Variants in ASAP2 observed in about 807,000 individuals in gnomAD.
ASAP2 encodes the protein ArfGAP with SH3 domain, ankyrin repeat and PH domain 2.
Under a neutral mutation model 131.4 loss-of-function variants are expected in ASAP2, and 45 were observed. The observed-to-expected ratio is 0.34, with a 90% confidence interval of 0.27 to 0.44. The LOEUF is 0.44. Among genes scored for constraint, ASAP2 ranks in the 20% least tolerant of loss-of-function variants. The pLI, the probability that ASAP2 is intolerant of heterozygous loss-of-function variation, is 1.00. For synonymous variants in ASAP2, 510 were observed against 503.0 expected, an observed-to-expected ratio of 1.01 and a Z score of -0.19; for missense variants, 1,011 against 1,297.0, an observed-to-expected ratio of 0.78 and a Z score of 3.39.
At chr2:9,378,726 A>G (rs1049439933) in intron 18 of ASAP2, among the ~76,000 whole-genome samples, 3 of 152,120 alleles carry the variant, frequency 2.0e-5, no homozygotes, top group Admixed American at 6.5e-5. Flanking sequence ...TTCTGCCATC[A>G]TCGTGTTATT....
chr2:9,312,084 T>A lies in ASAP2; in HGVS notation c.346-6440T>A, dbSNP rs528828924. Among the ~76,000 whole-genome samples, 67 of 152,336 alleles carry A rather than the reference T, an allele frequency of 4.4e-4. No homozygotes were observed. The South Asian group carries it at 0.014, about 31-fold the overall frequency. ...ATTTCAAGTGTACACATCAGTGATTTCCAGTAACTTTACCAAGTGGTGCAA... is the reference window on the plus strand; with the variant it reads ...ATTTCAAGTGTACACATCAGTGATTACCAGTAACTTTACCAAGTGGTGCAA... On this transcript the variant is annotated intron_variant, in intron 3 of 27. Coordinates refer to ENST00000281419, the MANE Select transcript of ASAP2 (RefSeq NM_003887.3).
At chr2:9,308,187 A>G (rs1669071117) in intron 3 of ASAP2, among the ~76,000 whole-genome samples, 1 of 152,242 alleles carries the variant, frequency 6.6e-6, no homozygotes, top group South Asian at 2.1e-4. Context: ...CACAGGCTGT[A>G]GAGGAAGCAT....
chr2:9,267,840 G>A (rs1666044777), intron 1 of ASAP2, among the ~76,000 whole-genome samples: 1 of 140,192 alleles, frequency 7.1e-6, no homozygotes, highest in African/African-American at 2.7e-5. Context: ...AGAGGTTGTA[G>A]TGAGTCGAGA....
intron 1 of ASAP2, among the ~76,000 whole-genome samples, chr2:9,220,405 T>C (rs897482842): frequency 4.6e-5 from 7 of 152,364 alleles, no homozygotes; most frequent in South Asian, 2.1e-4. Context: ...TTGTCTTTTT[T>C]ATTACACCCA....
At chr2:9,400,969 T>C (rs1467121216) in intron 26 of ASAP2, 139 bp downstream of exon 26, 1 of 917,118 alleles carries the variant, frequency 1.1e-6, no homozygotes, top group Non-Finnish European at 1.6e-6. Flanking sequence ...ACCTGACTGC[T>C]TGGATCTGGG....
At chr2:9,366,066 C>G (rs527828200) in intron 15 of ASAP2, among the ~76,000 whole-genome samples, 3 of 152,266 alleles carry the variant, frequency 2.0e-5, no homozygotes, top group African/African-American at 7.2e-5. Context: ...TGGTTTCTGC[C>G]TGCCTGTCCT....
At chr2:9,236,706 A>C (rs11692473) in intron 1 of ASAP2, among the ~76,000 whole-genome samples, 33,831 of 152,186 alleles carry the variant, frequency 0.22, 3,935 homozygotes, top group Non-Finnish European at 0.25. Flanking sequence ...TATGTATGAG[A>C]GACACAGACA....
chr2:9,314,011 T>C (rs1307165919), intron 3 of ASAP2, among the ~76,000 whole-genome samples: 1 of 152,224 alleles, frequency 6.6e-6, no homozygotes, highest in Non-Finnish European at 1.5e-5. Flanking sequence ...GAGACAAAAG[T>C]CTCGCTCTGT....
At chr2:9,373,684 C>T (rs1347341057) in intron 16 of ASAP2, among the ~76,000 whole-genome samples, 7 of 152,244 alleles carry the variant, frequency 4.6e-5, no homozygotes, top group African/African-American at 1.4e-4. Flanking sequence ...AGGAGGGAAC[C>T]GTGCGGGGAC....
intron 3 of ASAP2, among the ~76,000 whole-genome samples, chr2:9,304,573 G>T (rs1668707906): frequency 2.6e-5 from 4 of 151,100 alleles, no homozygotes; most frequent in Non-Finnish European, 5.9e-5. Context: ...TAGATACAGG[G>T]TGGAGAGGCT....
At chr2:9,248,225 T>C (rs1380760195) in intron 1 of ASAP2, among the ~76,000 whole-genome samples, 1 of 152,238 alleles carries the variant, frequency 6.6e-6, no homozygotes, top group Non-Finnish European at 1.5e-5. Flanking sequence ...CACGCAGGCC[T>C]GTGTTCCGAG....
intron 1 of ASAP2, among the ~76,000 whole-genome samples, chr2:9,220,930 C>G (rs1053596720): frequency 1.3e-5 from 2 of 152,130 alleles, no homozygotes; most frequent in African/African-American, 2.4e-5. Flanking sequence ...CTTGAATTCT[C>G]TTGGCATCCT....
rs370995133 is a variant in ASAP2 at position 9,331,768 on chromosome 2, C to T, written c.687-2970C>T. 2.3e-3 allele frequency among the ~76,000 whole-genome samples: 345 copies of T among 147,676 alleles called. 1 individual carries two copies. The highest frequency in any genetic ancestry group is 8.1e-3 in the African/African-American group (325 of 40,162). On this transcript the variant is annotated intron_variant, in intron 7 of 27. Coordinates refer to ENST00000281419, the MANE Select transcript of ASAP2 (RefSeq NM_003887.3). ...GGGCGACAGAGCGATTTTTTTTTTT[C>T]AAAAAAAATACAACCATGGTTTGAA... is the stretch of plus-strand genomic sequence containing the variant.
At chr2:9,299,957 A>C (rs1668379448) in intron 3 of ASAP2, among the ~76,000 whole-genome samples, 1 of 152,202 alleles carries the variant, frequency 6.6e-6, no homozygotes, top group Non-Finnish European at 1.5e-5. Flanking sequence ...CTGGCCCGGC[A>C]CAGTGGCTCA....
chr2:9,303,833 C>A (rs142462823), intron 3 of ASAP2, among the ~76,000 whole-genome samples: 1 of 152,268 alleles, frequency 6.6e-6, no homozygotes, highest in East Asian at 1.9e-4. Context: ...TGCTGTGATA[C>A]GGTAACCCCC....
chr2:9,248,106 G>T (rs180864834), intron 1 of ASAP2, among the ~76,000 whole-genome samples: 64 of 152,304 alleles, frequency 4.2e-4, no homozygotes, highest in African/African-American at 1.4e-3. Flanking sequence ...TGGAAGGGGG[G>T]CGGCTGACAG....
chr2:9,253,229 T>A (rs964445132), intron 1 of ASAP2, among the ~76,000 whole-genome samples: 1 of 152,156 alleles, frequency 6.6e-6, no homozygotes, highest in Non-Finnish European at 1.5e-5. Flanking sequence ...AATGGCGCGA[T>A]ATTGGCTCAC....
intron 7 of ASAP2, among the ~76,000 whole-genome samples, chr2:9,330,346 C>T (rs1039204055): frequency 1.1e-4 from 16 of 152,106 alleles, no homozygotes; most frequent in African/African-American, 3.6e-4. Flanking sequence ...TGTTCCCACT[C>T]CTAAGTGGGT....
chr2:9,375,378 G>A (rs1426983647), intron 17 of ASAP2, among the ~76,000 whole-genome samples: 2 of 152,178 alleles, frequency 1.3e-5, no homozygotes, highest in African/African-American at 4.8e-5. Context: ...GGCACGGAGA[G>A]GGGTACTGGG....
Sources: allele counts gnomAD v4.1 joint callset (sites outside exome capture counted in the v4.1 genomes callset), GRCh38; gene constraint gnomAD v4.1.1; transcripts MANE v1.5; gene names NCBI Gene and HGNC (gene_info 2026-07-23, HGNC 2026-07-21).